Variants in GRAMD1B observed in about 807,000 individuals in gnomAD.
GRAMD1B encodes the protein protein Aster-B.
A neutral mutation model predicts 99.7 loss-of-function variants in GRAMD1B; 37 were observed. The observed-to-expected ratio is 0.37, with a 90% CI of 0.29 to 0.49. The LOEUF is 0.49. Ranked by LOEUF, GRAMD1B falls within the 20% of genes least tolerant of loss-of-function variation. The pLI, the probability that GRAMD1B is intolerant of heterozygous loss-of-function variation, is 0.98. For synonymous variants in GRAMD1B, 427 were observed against 387.6 expected, an observed-to-expected ratio of 1.10 and a Z score of -1.19; for missense variants, 888 against 1,009.2, an observed-to-expected ratio of 0.88 and a Z score of 1.63.
At chr11:123,518,140 T>C (rs1027331533) in intron 2 of GRAMD1B, among the ~76,000 whole-genome samples, 16 of 152,276 alleles carry the variant, frequency 1.1e-4, no homozygotes, top group Non-Finnish European at 2.2e-4. Flanking sequence ...CTGAGGTGTG[T>C]GCATCTTTCT....
At chr11:123,454,886 T>C (rs1332982246) in intron 1 of GRAMD1B, 2 of 152,220 alleles carry the variant, frequency 1.3e-5, no homozygotes, top group Non-Finnish European at 2.9e-5. Context: ...ATAGGACTGG[T>C]TTTACATGTC....
chr11:123,614,648 A>G lies in GRAMD1B; in HGVS notation c.2228-97A>G, dbSNP rs1236203790. On this transcript the variant is annotated intron_variant, in intron 16 of 19. Coordinates refer to ENST00000635736, the MANE Select transcript of GRAMD1B (RefSeq NM_001387025.1). The stretch of plus-strand genomic sequence containing the variant: ...GTCACAGTGTCATGGACATTTTTCC[A>G]TCAGTCTCTGATGTTTGCTGTTTGA... The G allele has an allele frequency of 1.1e-5, 7 of 663,132 alleles. No homozygotes were observed. The African/African-American group carries it at 1.1e-4, about 10-fold the overall frequency. The allele number at this position is 663,132 out of a possible 1,614,324, so 41.1% of individuals were successfully genotyped here. A position where few individuals can be genotyped will look rare whatever the true frequency, so the allele number is the denominator to read the frequency against.
At chr11:123,415,075 T>C (rs1024161098) in intron 1 of GRAMD1B, among the ~76,000 whole-genome samples, 51 of 151,098 alleles carry the variant, frequency 3.4e-4, no homozygotes, top group African/African-American at 1.1e-3. Flanking sequence ...TTTTTTTTCT[T>C]TTTTCTTTTC....
In GRAMD1B at chr11:123,606,641, G is replaced by A. The variant is rs760520842; in HGVS notation, c.1356G>A (p.Leu452=). The change falls in exon 11 of 20, where the codon CTG becomes CTA. Residue 452 remains leucine (L), a synonymous_variant. Coordinates refer to ENST00000635736, the MANE Select transcript of GRAMD1B (RefSeq NM_001387025.1). The part of the protein sequence containing the change: ...FDGLPLEEEA[L]EGDGSLEKEL... ...GGCTGCCCCTGGAGGAAGAGGCGCT[G>A]GAGGGAGACGGGTCCCTGGAAAAGG... is the stretch of plus-strand genomic sequence containing the variant. 2 of 1,612,658 alleles carry A rather than the reference G, an allele frequency of 1.2e-6. No homozygotes were observed. Among genetic ancestry groups the A allele is most frequent in the South Asian group, 2.2e-5 (2 of 90,496 alleles).
In GRAMD1B at chr11:123,595,451, G is replaced by A. The variant is rs183546458; in HGVS notation, c.874-491G>A. 1.4e-3 allele frequency among the ~76,000 whole-genome samples: 218 copies of A among 151,950 alleles called. 2 individuals carry two copies. The highest frequency in any genetic ancestry group is 4.9e-3 in the African/African-American group (203 of 41,450). ...TGGGATTACAGGCATGCGCCACCAC[G>A]CCCGCTAATTTTGTATTTTTTAAGT... is the stretch of plus-strand genomic sequence containing the variant. On this transcript the variant is annotated intron_variant, in intron 6 of 19. Transcript: ENST00000635736.
upstream of GRAMD1B, among the ~76,000 whole-genome samples, chr11:123,429,858 C>A (rs892396780): frequency 4.6e-5 from 7 of 152,190 alleles, 1 homozygote; most frequent in Admixed American, 4.6e-4. This position sits in a 1 kb window ranked among gnomAD's most constrained non-coding sequence, Gnocchi z 4.0. Flanking sequence ...CCACTACTCA[C>A]GCCCCCAAAT....
chr11:123,526,036 C>T (rs1942688339), intron 2 of GRAMD1B: 3 of 877,870 alleles, frequency 3.4e-6, no homozygotes, highest in Non-Finnish European at 5.7e-6. Flanking sequence ...AGTCACATTA[C>T]ATGGGATTCT....
At chr11:123,506,156 AC>A (rs1350641282) in intron 2 of GRAMD1B, among the ~76,000 whole-genome samples, 2 of 152,344 alleles carry the variant, frequency 1.3e-5, no homozygotes, top group East Asian at 3.9e-4. Context: ...ACTCAGTACT[AC>A]ATGTCCCAGA....
At chr11:123,462,957 G>A (rs1442675972) in intron 1 of GRAMD1B, among the ~76,000 whole-genome samples, 5 of 148,630 alleles carry the variant, frequency 3.4e-5, no homozygotes, top group Non-Finnish European at 7.4e-5. Context: ...GCTCATAGAC[G>A]TGCCATGTAT....
intron 17 of GRAMD1B, chr11:123,618,203 A>G: frequency 2.8e-6 from 2 of 725,580 alleles, no homozygotes; most frequent in Non-Finnish European, 2.5e-6. Context: ...CGTCTCATCC[A>G]TTGTGTCTTT....
intron 1 of GRAMD1B, among the ~76,000 whole-genome samples, chr11:123,391,068 T>C (rs1368749862): frequency 6.6e-6 from 1 of 152,228 alleles, no homozygotes; most frequent in Non-Finnish European, 1.5e-5. Context: ...TTTCTAAACT[T>C]GGCCCTTCTT....
chr11:123,405,297 T>C (rs1165669808), intron 1 of GRAMD1B, among the ~76,000 whole-genome samples: 1 of 152,114 alleles, frequency 6.6e-6, no homozygotes, highest in Admixed American at 6.6e-5. Flanking sequence ...CTTATGTAGC[T>C]GGTGACCTCA....
At chr11:123,544,241 T>G (rs1370707608) in intron 2 of GRAMD1B, among the ~76,000 whole-genome samples, 1 of 152,174 alleles carries the variant, frequency 6.6e-6, no homozygotes, top group East Asian at 1.9e-4. Context: ...TGATATTTAT[T>G]TACTGCTCAA....
chr11:123,415,352 C>T (rs893704202), intron 1 of GRAMD1B, among the ~76,000 whole-genome samples: 8 of 152,146 alleles, frequency 5.3e-5, no homozygotes, highest in South Asian at 2.1e-4. Context: ...CCGCCTGCCT[C>T]GGCCTCCCAA....
intron 1 of GRAMD1B, among the ~76,000 whole-genome samples, chr11:123,406,016 CT>C (rs72167101): frequency 0.041 from 5,688 of 139,878 alleles, 230 homozygotes; most frequent in African/African-American, 0.11. Flanking sequence ...AACATTATTC[CT>C]TTTTTTTTTT....
intron 2 of GRAMD1B, among the ~76,000 whole-genome samples, chr11:123,499,372 A>G (rs1269816228): frequency 2.0e-5 from 3 of 152,248 alleles, no homozygotes; most frequent in African/African-American, 7.2e-5. Context: ...TTCTTTATAA[A>G]TTAACCAGTC....
intron 1 of GRAMD1B, among the ~76,000 whole-genome samples, chr11:123,373,093 C>T (rs1414281607): frequency 6.6e-6 from 1 of 152,060 alleles, no homozygotes; most frequent in Non-Finnish European, 1.5e-5. Flanking sequence ...GAGCCGAGAT[C>T]GTGCCACTGC....
chr11:123,627,450 TG>T lies in GRAMD1B; in HGVS notation c.*4859del. On this transcript the variant is annotated 3_prime_UTR_variant, in exon 20 of 20. Transcript: ENST00000635736. ...CCCCAACTCAACCTAGACTCCAAGG[TG>T]GGGAGGGATGGGTCAGAGGCCATAG... The T allele has an allele frequency of 6.6e-6, 1 of 152,278 alleles. No homozygotes were observed. Among genetic ancestry groups the T allele is most frequent in the Non-Finnish European group, 1.5e-5 (1 of 68,106 alleles). The allele number at this position is 152,278 out of a possible 1,614,324, so 9.4% of individuals were successfully genotyped here.
At chr11:123,559,269 T>A (rs1439819805) in intron 2 of GRAMD1B, among the ~76,000 whole-genome samples, 2 of 152,224 alleles carry the variant, frequency 1.3e-5, no homozygotes, top group Non-Finnish European at 2.9e-5. Context: ...GTGTTGTCGG[T>A]TTTGTGCTAC....
Sources: gnomAD v4.1 joint callset for allele counts (sites outside exome capture counted in the v4.1 genomes callset) on GRCh38, gnomAD v4.1.1 for gene constraint, Gnocchi (gnomAD v3.1) non-coding constraint, MANE v1.5 for transcripts, NCBI Gene and HGNC (gene_info 2026-07-23, HGNC 2026-07-21) for gene names.